SLC7A7: variants seen among roughly 807,000 people sequenced by gnomAD.
SLC7A7 encodes the protein Y+L amino acid transporter 1.
A neutral mutation model predicts 47.9 loss-of-function variants in SLC7A7; 39 were observed. That is an observed-to-expected ratio of 0.81 (90% CI 0.63 to 1.06). The LOEUF (loss-of-function observed/expected upper bound fraction) is 1.06. Ranked by LOEUF, SLC7A7 falls within the 50% of genes least tolerant of loss-of-function variation. The pLI, the probability that SLC7A7 is intolerant of heterozygous loss-of-function variation, is 0.00. For synonymous variants in SLC7A7, 234 were observed against 242.8 expected, an observed-to-expected ratio of 0.96 and a Z score of 0.34; for missense variants, 588 against 632.0, an observed-to-expected ratio of 0.93 and a Z score of 0.75.
intron 2 of SLC7A7, among the ~76,000 whole-genome samples, chr14:22,784,755 A>G (rs919292224): frequency 1.3e-5 from 2 of 152,210 alleles, no homozygotes; most frequent in African/African-American, 4.8e-5. Context: ...GCTAGAACTA[A>G]AAGCCAGAAA....
At chr14:22,818,571 C>T (rs1317488062), upstream of SLC7A7, among the ~76,000 whole-genome samples, 18 of 146,952 alleles carry the variant, frequency 1.2e-4, no homozygotes, top group African/African-American at 4.6e-4. Context: ...GCTCTTCTAC[C>T]CCAGGTTTTT....
chr14:22,810,939 T>C (rs896380232), intron 2 of SLC7A7, among the ~76,000 whole-genome samples: 2 of 152,088 alleles, frequency 1.3e-5, no homozygotes, highest in Admixed American at 6.5e-5. Flanking sequence ...GATTGTGCCA[T>C]TGCACTCCAG....
At chr14:22,807,058 C>T (rs2039225063) in intron 2 of SLC7A7, among the ~76,000 whole-genome samples, 1 of 152,052 alleles carries the variant, frequency 6.6e-6, no homozygotes, top group Non-Finnish European at 1.5e-5. Flanking sequence ...CCACCATGCC[C>T]GGCTAATTTT....
intron 2 of SLC7A7, among the ~76,000 whole-genome samples, chr14:22,803,190 C>T (rs1006140345): frequency 2.0e-5 from 3 of 152,044 alleles, no homozygotes; most frequent in Non-Finnish European, 2.9e-5. Flanking sequence ...GAGACCAAGG[C>T]GGGCAGATCG....
intron 2 of SLC7A7, among the ~76,000 whole-genome samples, chr14:22,799,172 C>T (rs2039066653): frequency 6.6e-6 from 1 of 152,176 alleles, no homozygotes; most frequent in African/African-American, 2.4e-5. Context: ...TAAATCCAAT[C>T]AACTATACTC....
At chr14:22,795,508 T>C (rs2039006942) in intron 2 of SLC7A7, among the ~76,000 whole-genome samples, 2 of 150,358 alleles carry the variant, frequency 1.3e-5, no homozygotes, top group Admixed American at 1.3e-4. Flanking sequence ...AGAGTCTCAC[T>C]CTGTCGCCCA....
At chr14:22,815,714 T>G (rs1277434294), upstream of SLC7A7, 2 of 452,278 alleles carry the variant, frequency 4.4e-6, no homozygotes, top group Non-Finnish European at 8.9e-6. Flanking sequence ...TCTGTAGCCC[T>G]GGGGAAGCTG....
intron 2 of SLC7A7, among the ~76,000 whole-genome samples, chr14:22,799,428 TTCTTTTTATTTTTTTC>T (rs1566456082): frequency 3.3e-5 from 5 of 150,418 alleles, no homozygotes; most frequent in Non-Finnish European, 2.9e-5. Context: ...TGGTTTCTTT[TTCTTTTTATTTTTTTC>T]TTTCTTTTTT....
At chr14:22,788,487 AAAGTC>A (rs2038860029) in intron 2 of SLC7A7, among the ~76,000 whole-genome samples, 2 of 151,946 alleles carry the variant, frequency 1.3e-5, no homozygotes, top group Non-Finnish European at 2.9e-5. Flanking sequence ...GGCAGATCAC[AAAGTC>A]AGGAGTTTGA....
intron 2 of SLC7A7, among the ~76,000 whole-genome samples, chr14:22,794,947 T>C (rs2139425797): frequency 6.6e-6 from 1 of 152,136 alleles, no homozygotes; most frequent in Middle Eastern, 3.4e-3. Flanking sequence ...TCATCAATTC[T>C]CCTCAAAAGC....
intron 7 of SLC7A7, 101 bp downstream of exon 7, chr14:22,775,343 G>T: frequency 1.0e-6 from 1 of 976,932 alleles, no homozygotes; most frequent in Non-Finnish European, 1.6e-6. Context: ...TTTTTCTATT[G>T]GAATCTTTCA....
intron 2 of SLC7A7, among the ~76,000 whole-genome samples, chr14:22,807,150 C>T (rs1397594734): frequency 2.6e-5 from 4 of 152,114 alleles, no homozygotes; most frequent in Non-Finnish European, 4.4e-5. Context: ...CCACCAGCCT[C>T]GGCCTCCCAA....
chr14:22,780,820 T>C (rs1161317506), intron 2 of SLC7A7, among the ~76,000 whole-genome samples: 1 of 152,194 alleles, frequency 6.6e-6, no homozygotes. Context: ...AATACAGACA[T>C]ACCTAAGAAA....
chr14:22,777,697 C>T (rs1021745516), intron 4 of SLC7A7, among the ~76,000 whole-genome samples: 2 of 152,226 alleles, frequency 1.3e-5, no homozygotes, highest in African/African-American at 4.8e-5. Context: ...AGCGTTACCA[C>T]TAGTTGTGTA....
At chr14:22,804,452 G>A (rs2039167375) in intron 2 of SLC7A7, among the ~76,000 whole-genome samples, 1 of 152,050 alleles carries the variant, frequency 6.6e-6, no homozygotes, top group South Asian at 2.1e-4. Context: ...GAAAATTTTT[G>A]CAATCTATCC....
chr14:22,774,371 GATCA>G lies in SLC7A7; in HGVS notation c.1224_1227del (p.Arg410LeufsTer108). 6.2e-7 allele frequency: 1 copy of G among 1,614,124 alleles called. No individual in the cohort carries two copies. On this transcript the variant is annotated frameshift_variant, in exon 8 of 10. Transcript: ENST00000674313. LOFTEE classifies it high-confidence loss of function. ...TGCCTTACCTTGAGGGGACGAGGTC[GATCA>G]GGCTCCTTCCAGCGCAGATAAAGCT...
rs1489481120 is a variant in SLC7A7, at chr14:22,809,202, CAG to C, written c.499+3696_499+3697del. Among the ~76,000 whole-genome samples, 12 of 152,328 alleles carry C rather than the reference CAG, an allele frequency of 7.9e-5. 1 individual carries two copies. The East Asian group carries it at 2.3e-3, about 29-fold the overall frequency. ...TTTTGTTTTGTTTTGTCTTTTGAGA[CAG>C]AGTCTCGCTCTGTGGCCCAGGCTGG... is the stretch of plus-strand genomic sequence containing the variant. On this transcript the variant is annotated intron_variant, in intron 2 of 9. Coordinates refer to ENST00000674313, the MANE Select transcript of SLC7A7 (RefSeq NM_003982.4).
In SLC7A7 at chr14:22,813,327, G is replaced by A. The variant is rs777089471; in HGVS notation, c.72C>T (p.Ala24=). ...GCTTCACCTGCTCCGGCCCTGGGCT[G>A]GCCCCATCACCCAAAGGGGAGGTTT... The part of the protein sequence containing the change: ...EVETSPLGDG[A]SPGPEQVKLK... Residue 24 remains alanine (A), a synonymous_variant, in exon 2 of 10, where the codon GCC becomes GCT. Transcript: ENST00000674313. 1 of 1,614,124 alleles carries A rather than the reference G, an allele frequency of 6.2e-7. No individual in the cohort carries two copies. Among genetic ancestry groups the A allele is most frequent in the Admixed American group, 1.7e-5 (1 of 60,018 alleles).
rs141036441 is a variant in SLC7A7 at position 22,795,449 on chromosome 14, ATTCTTTTCTT to A, written c.500-15408_500-15399del. Among the ~76,000 whole-genome samples the A allele has an allele frequency of 1.4e-4, 17 of 123,940 alleles. 1 individual carries two copies. Among genetic ancestry groups the A allele is most frequent in the African/African-American group, 5.3e-4 (17 of 32,064 alleles). 81.3% of individuals were successfully genotyped at this position (123,940 alleles called of 152,430 possible). A position where few individuals can be genotyped will look rare whatever the true frequency, so the allele number is the denominator to read the frequency against. On this transcript the variant is annotated intron_variant, in intron 2 of 9. Coordinates refer to ENST00000674313, the MANE Select transcript of SLC7A7 (RefSeq NM_003982.4). ...TTCTTTCTTTCTTTCTTTCTTTTCT[ATTCTTTTCTT>A]TTCTTTTCTTTTCTTTTCTTTTCTT...
Sources: gnomAD v4.1 joint callset for allele counts (sites outside exome capture counted in the v4.1 genomes callset) on GRCh38, gnomAD v4.1.1 for gene constraint, MANE v1.5 for transcripts, NCBI Gene and HGNC (gene_info 2026-07-23, HGNC 2026-07-21) for gene names.